Variants in DENND4C observed in about 807,000 individuals in gnomAD.
DENND4C encodes DENN domain containing 4C.
DENND4C carries 108 observed loss-of-function variants against 203.0 expected under a neutral mutation model. The ratio of observed to expected loss-of-function variants is 0.53; its 90% CI spans 0.46 to 0.62. The LOEUF is 0.62. Among genes scored for constraint, DENND4C ranks in the 20% least tolerant of loss-of-function variants. The pLI, the probability that DENND4C is intolerant of heterozygous loss-of-function variation, is 0.00. For synonymous variants in DENND4C, 871 were observed against 792.4 expected (o/e 1.10, Z -1.67); for missense variants, 2,481 against 2,301.2 (o/e 1.08, Z -1.60).
chr9:19,331,396 T>G (rs1401078003), intron 16 of DENND4C, among the ~76,000 whole-genome samples: 1 of 152,014 alleles, frequency 6.6e-6, no homozygotes, highest in African/African-American at 2.4e-5. Context: ...AGAGACTGGG[T>G]TTCACCATGT....
rs779726064 is a variant in DENND4C at position 19,346,296 on chromosome 9, C to T, written c.3527C>T (p.Pro1176Leu). The T allele has an allele frequency of 4.2e-5, 67 of 1,614,006 alleles. No homozygotes were observed. Among genetic ancestry groups the T allele is most frequent in the South Asian group, 2.7e-4 (25 of 91,054 alleles). The change falls in exon 23 of 33, where the codon CCG becomes CTG. Residue 1176 changes from proline (P) to leucine (L), a missense_variant. Physicochemically the swap from Pro to Leu is moderately conservative, Grantham distance 98. This residue lies in a region of DENND4C where 2,289 missense variants were observed against 2,113.3 expected (regional missense o/e 1.08). Coordinates refer to ENST00000434457, the MANE Select transcript of DENND4C (RefSeq NM_001330640.2). ...STWNPEHRSSPVPEMLEESQE... is the reference protein window; with the variant it reads ...STWNPEHRSSLVPEMLEESQE... The stretch of plus-strand genomic sequence containing the variant: ...TGGAATCCTGAGCACAGATCATCTC[C>T]GGTGCCAGAGATGCTTGAGGAAAGC...
intron 29 of DENND4C, 107 bp downstream of exon 29, chr9:19,360,596 C>A: frequency 7.0e-7 from 1 of 1,420,634 alleles, no homozygotes. Flanking sequence ...AGATTTATTT[C>A]TCTCTCACTT....
chr9:19,342,026 A>T (rs1821764408), intron 21 of DENND4C, among the ~76,000 whole-genome samples: 1 of 149,480 alleles, frequency 6.7e-6, no homozygotes, highest in African/African-American at 2.5e-5. Context: ...GGGGAGGCTG[A>T]GGCAGGAGAG....
intron 10 of DENND4C, among the ~76,000 whole-genome samples, chr9:19,307,819 A>G (rs902108294): frequency 1.3e-5 from 2 of 151,730 alleles, no homozygotes; most frequent in African/African-American, 4.8e-5. Flanking sequence ...AAATCCCTAG[A>G]TAGTCCTCCA....
At chr9:19,353,779 C>G (rs1470690228) in intron 26 of DENND4C, among the ~76,000 whole-genome samples, 1 of 151,926 alleles carries the variant, frequency 6.6e-6, no homozygotes, top group African/African-American at 2.4e-5. Context: ...CAAAAAAATA[C>G]AAAAAAGGTT....
In DENND4C at chr9:19,346,371, C is replaced by T. The variant is rs1391993438; in HGVS notation, c.3602C>T (p.Thr1201Ile). The change falls in exon 23 of 33, where the codon ACA (threonine) becomes ATA (isoleucine). Residue 1201 changes from threonine (T) to isoleucine (I), a missense_variant. By Grantham distance (89) the Thr-to-Ile change is moderately conservative. Around this residue, in one of 3 missense-constraint regions of DENND4C, gnomAD observed 2,289 missense variants for 2,113.3 expected, o/e 1.08. Transcript: ENST00000434457. ...VVDDVPKTTA[T>I]VDTYESLLSD... ...GATGACGTACCTAAAACTACTGCAA[C>T]AGTAGATACATATGAGAGTCTACTA... The T allele has an allele frequency of 6.2e-7, 1 of 1,614,100 alleles. No individual in the cohort carries two copies. The highest frequency in any genetic ancestry group is 8.5e-7 in the Non-Finnish European group (1 of 1,180,028).
intron 1 of DENND4C, among the ~76,000 whole-genome samples, chr9:19,258,490 A>G (rs1285288172): frequency 6.6e-6 from 1 of 152,230 alleles, no homozygotes; most frequent in African/African-American, 2.4e-5. Context: ...AAAGGATGAC[A>G]GATCATGACC....
intron 10 of DENND4C, among the ~76,000 whole-genome samples, chr9:19,313,890 G>T (rs1038814827): frequency 6.6e-6 from 1 of 152,176 alleles, no homozygotes; most frequent in Non-Finnish European, 1.5e-5. Flanking sequence ...CAAGCTGAGG[G>T]AGCTAAGCTA....
Position 19,270,755 on chromosome 9 carries a change from A to G in DENND4C, c.-17-5403A>G, listed in dbSNP as rs373821188. Among the ~76,000 whole-genome samples, 64 of 152,330 alleles carry G rather than the reference A, an allele frequency of 4.2e-4. 1 individual carries two copies. In the South Asian group the frequency reaches 0.011, roughly 27 times the overall value. ...TTCTAGCCAGTGCAATAAGGCAAGAAAAAGAAAAAAAAGGCAGCTACAATG... is the reference window on the plus strand; with the variant it reads ...TTCTAGCCAGTGCAATAAGGCAAGAGAAAGAAAAAAAAGGCAGCTACAATG... On this transcript the variant is annotated intron_variant, in intron 1 of 32. Coordinates refer to ENST00000434457, the MANE Select transcript of DENND4C (RefSeq NM_001330640.2).
At chr9:19,311,508 C>T (rs1440983608) in intron 10 of DENND4C, among the ~76,000 whole-genome samples, 5 of 152,154 alleles carry the variant, frequency 3.3e-5, no homozygotes, top group African/African-American at 1.2e-4. Flanking sequence ...TTGAGATTTG[C>T]TTTGAAGCCA....
chr9:19,319,176 T>A (rs543821251), intron 12 of DENND4C, among the ~76,000 whole-genome samples: 4 of 147,134 alleles, frequency 2.7e-5, no homozygotes, highest in African/African-American at 5.0e-5. Context: ...AAAAAAAAAA[T>A]ATATGTATAT....
chr9:19,238,905 G>A (rs562817812), intron 1 of DENND4C, among the ~76,000 whole-genome samples: 26 of 150,860 alleles, frequency 1.7e-4, no homozygotes, highest in African/African-American at 5.4e-4. Context: ...CACCCACCTC[G>A]GCCTCCCAAA....
chr9:19,290,462 A>G (rs181324492), intron 4 of DENND4C, among the ~76,000 whole-genome samples: 45 of 152,336 alleles, frequency 3.0e-4, no homozygotes, highest in African/African-American at 1.1e-3. Flanking sequence ...GATTGGTTGA[A>G]TGGAATCTCA....
Position 19,352,107 on chromosome 9 carries a change from A to G in DENND4C, c.4530A>G (p.Gln1510=), listed in dbSNP as rs753916393. 6.2e-7 allele frequency: 1 copy of G among 1,613,908 alleles called. No individual in the cohort carries two copies. The highest frequency in any genetic ancestry group is 1.1e-5 in the South Asian group (1 of 91,078). The change falls in exon 25 of 33, where the codon CAA becomes CAG. Residue 1510 remains glutamine (Q), a synonymous_variant. Transcript: ENST00000434457. ...CATTTCCAAGAGGCATGAAAGGGCA[A>G]GACTTTGAAAAATCAGATCATGGTT... ...EVPFPRGMKG[Q]DFEKSDHGSS... is the part of the protein sequence containing the mutation.
chr9:19,296,164 C>A lies in DENND4C; in HGVS notation c.958C>A (p.Pro320Thr). The stretch of plus-strand genomic sequence containing the variant: ...ATGCATTTGTTTACTCTCACACTGG[C>A]CTTTTTTTGAAGCTTTTAGGAAATT... Reference protein sequence around the residue: ...NKCICLLSHWPFFEAFRKFLM... With the variant: ...NKCICLLSHWTFFEAFRKFLM... Residue 320 changes from proline to threonine, a missense_variant, in exon 6 of 33, where the codon CCT (proline) becomes ACT (threonine). Around this residue, in one of 3 missense-constraint regions of DENND4C, gnomAD observed 2,289 missense variants for 2,113.3 expected, o/e 1.08. Coordinates refer to ENST00000434457, the MANE Select transcript of DENND4C (RefSeq NM_001330640.2). 6.2e-7 allele frequency: 1 copy of A among 1,613,754 alleles called. No homozygotes were observed. The highest frequency in any genetic ancestry group is 8.5e-7 in the Non-Finnish European group (1 of 1,179,918).
chr9:19,338,152 T>C (rs993941952), intron 20 of DENND4C, among the ~76,000 whole-genome samples: 2 of 152,206 alleles, frequency 1.3e-5, no homozygotes, highest in African/African-American at 4.8e-5. Flanking sequence ...TGTTTGTATA[T>C]TATATTAACA....
intron 26 of DENND4C, among the ~76,000 whole-genome samples, chr9:19,355,604 C>G (rs1440474624): frequency 1.3e-5 from 2 of 152,142 alleles, no homozygotes; most frequent in Admixed American, 1.3e-4. Flanking sequence ...GTATACCTCA[C>G]TTGGTTCTGC....
rs145909293 is a variant in DENND4C at position 19,258,803 on chromosome 9, C to T, written c.-17-17355C>T. ...CAGAGTAGCTGGGACTACAGGTGCACGCCACCAGGCCCAGCTAATTTTTGT... is the reference window on the plus strand; with the variant it reads ...CAGAGTAGCTGGGACTACAGGTGCATGCCACCAGGCCCAGCTAATTTTTGT... On this transcript the variant is annotated intron_variant, in intron 1 of 32. Coordinates refer to ENST00000434457, the MANE Select transcript of DENND4C (RefSeq NM_001330640.2). Among the ~76,000 whole-genome samples the T allele has an allele frequency of 5.4e-3, 819 of 151,954 alleles. 8 individuals are homozygous for T. The highest frequency in any genetic ancestry group is 0.019 in the African/African-American group (793 of 41,422).
chr9:19,276,808 A>G lies in DENND4C; in HGVS notation c.305+329A>G, dbSNP rs1174688185. ...TAAACACAATAGAATGAGAAGCTAT[A>G]ATAAAGACACTATCATTTTAAGGAG... On this transcript the variant is annotated intron_variant, in intron 2 of 32. Coordinates refer to ENST00000434457, the MANE Select transcript of DENND4C (RefSeq NM_001330640.2). 5 of 168,204 alleles carry G rather than the reference A, an allele frequency of 3.0e-5. No homozygotes were observed. In the Admixed American group the frequency reaches 3.2e-4, roughly 11 times the overall value. The allele number at this position is 168,204 out of a possible 1,614,324, so 10.4% of individuals were successfully genotyped here. A position where few individuals can be genotyped will look rare whatever the true frequency, so the allele number is the denominator to read the frequency against.
Sources: allele counts gnomAD v4.1 joint callset (sites outside exome capture counted in the v4.1 genomes callset), GRCh38; gene constraint gnomAD v4.1.1; regional missense constraint gnomAD v4.1.1; transcripts MANE v1.5; gene names NCBI Gene and HGNC (gene_info 2026-07-23, HGNC 2026-07-21).